The following LARP4B variants were observed in gnomAD, a reference collection of about 807,000 sequenced individuals.
LARP4B encodes the protein la-related protein 4B.
LARP4B carries 12 observed loss-of-function variants against 89.8 expected under a neutral mutation model. The ratio of observed to expected loss-of-function variants is 0.13; its 90% CI spans 0.09 to 0.22. LARP4B has a LOEUF of 0.22. Ranked by LOEUF, LARP4B falls within the 10% of genes least tolerant of loss-of-function variation. The pLI is 1.00. For synonymous variants in LARP4B, 367 were observed against 363.3 expected (o/e 1.01, Z -0.12); for missense variants, 757 against 947.7 (o/e 0.80, Z 2.64).
At chr10:883,007 T>C (rs1835730802) in intron 3 of LARP4B, among the ~76,000 whole-genome samples, 1 of 152,206 alleles carries the variant, frequency 6.6e-6, no homozygotes, top group Non-Finnish European at 1.5e-5. Flanking sequence ...CTATGAACAA[T>C]GCTAATTAGA....
intron 1 of LARP4B, among the ~76,000 whole-genome samples, chr10:917,907 T>C (rs1359902622): frequency 6.6e-6 from 1 of 152,182 alleles, no homozygotes; most frequent in Non-Finnish European, 1.5e-5. Flanking sequence ...ATTTATATCT[T>C]CAGTAAAAAT....
the LARP4B span, among the ~76,000 whole-genome samples, chr10:973,444 C>T: frequency 6.6e-5 from 10 of 152,122 alleles, no homozygotes; most frequent in East Asian, 3.9e-4. Context: ...CTCTGCCTCC[C>T]GGGGTCACAC....
the LARP4B span, chr10:987,090 C>T: frequency 3.9e-5 from 6 of 152,210 alleles, no homozygotes; most frequent in Admixed American, 3.9e-4. Flanking sequence ...ATACAAGAAC[C>T]TAAAAGAAAG....
chr10:818,184 AG>A (rs1328840718), intron 14 of LARP4B: 1 of 272,666 alleles, frequency 3.7e-6, no homozygotes, highest in African/African-American at 2.2e-5. Flanking sequence ...CACGAACAGC[AG>A]GGGCAGCTGA....
At chr10:871,840 G>C (rs1835215950) in intron 3 of LARP4B, among the ~76,000 whole-genome samples, 1 of 152,178 alleles carries the variant, frequency 6.6e-6, no homozygotes. Flanking sequence ...AATCATCGTT[G>C]TCTCTTAGTG....
intron 11 of LARP4B, among the ~76,000 whole-genome samples, chr10:828,065 G>C (rs1391373056): frequency 1.3e-5 from 2 of 152,134 alleles, no homozygotes; most frequent in African/African-American, 4.8e-5. Flanking sequence ...TCTAAATGGA[G>C]TATGGTTTCA....
the LARP4B span, among the ~76,000 whole-genome samples, chr10:952,123 G>A: frequency 6.6e-6 from 1 of 151,796 alleles, no homozygotes. Flanking sequence ...TGGATCACAA[G>A]GTCAGGAGAT....
chr10:943,853 A>G, the LARP4B span, among the ~76,000 whole-genome samples: 1 of 151,876 alleles, frequency 6.6e-6, no homozygotes, highest in East Asian at 1.9e-4. Flanking sequence ...GGTGGTGTCC[A>G]CGTAAGCTCC....
Position 822,538 on chromosome 10 carries a change from G to A in LARP4B, c.1485-1693C>T, listed in dbSNP as rs569245614. ...ACCCTCACTGGGCTCCACGTAACCC[G>A]TGTCAGACCCAGAAGCCCACCTGCA... On this transcript the variant is annotated intron_variant, in intron 13 of 17. Coordinates refer to ENST00000316157, the MANE Select transcript of LARP4B (RefSeq NM_015155.3). The surrounding 1 kb of genome is among the most constrained non-coding windows in gnomAD (Gnocchi z 4.6). Among the ~76,000 whole-genome samples the A allele has an allele frequency of 8.5e-5, 13 of 152,292 alleles. No homozygotes were observed. The highest frequency in any genetic ancestry group is 1.5e-4 in the Non-Finnish European group (10 of 68,014).
the LARP4B span, among the ~76,000 whole-genome samples, chr10:950,360 C>T: frequency 6.6e-6 from 1 of 152,144 alleles, no homozygotes; most frequent in Non-Finnish European, 1.5e-5. Flanking sequence ...AAGATTTTCT[C>T]TGTTTATTTT....
Position 822,724 on chromosome 10 carries a change from G to A in LARP4B, c.1485-1879C>T, listed in dbSNP as rs972141775. Among the ~76,000 whole-genome samples, 3 of 152,166 alleles carry A rather than the reference G, an allele frequency of 2.0e-5. No homozygotes were observed. The highest frequency in any genetic ancestry group is 2.9e-5 in the Non-Finnish European group (2 of 68,022). On this transcript the variant is annotated intron_variant, in intron 13 of 17. Coordinates refer to ENST00000316157, the MANE Select transcript of LARP4B (RefSeq NM_015155.3). This position sits in a 1 kb window ranked among gnomAD's most constrained non-coding sequence, Gnocchi z 4.6. ...GAGGAAACATCACTGTGACACCCGCGACTCTGAATGCAGTGGTGTGAAGGC... is the reference window on the plus strand; with the variant it reads ...GAGGAAACATCACTGTGACACCCGCAACTCTGAATGCAGTGGTGTGAAGGC...
intron 1 of LARP4B, among the ~76,000 whole-genome samples, chr10:895,022 C>G (rs1393166244): frequency 1.3e-5 from 2 of 152,088 alleles, no homozygotes; most frequent in African/African-American, 4.8e-5. Flanking sequence ...CCTGTCTCTA[C>G]TAAAATACAA....
chr10:930,786 C>T (rs1230083431), intron 1 of LARP4B, among the ~76,000 whole-genome samples: 1 of 152,202 alleles, frequency 6.6e-6, no homozygotes, highest in African/African-American at 2.4e-5. Context: ...ACACACCGAG[C>T]AACAGGATCC....
At chr10:944,334 C>T in the LARP4B span, among the ~76,000 whole-genome samples, 1 of 152,156 alleles carries the variant, frequency 6.6e-6, no homozygotes. Flanking sequence ...AGTTGGTTTT[C>T]ACCACAGGGA....
At chr10:853,076 G>T (rs1476247954) in intron 5 of LARP4B, among the ~76,000 whole-genome samples, 1 of 152,120 alleles carries the variant, frequency 6.6e-6, no homozygotes, top group African/African-American at 2.4e-5. Context: ...GCACTTTGTA[G>T]ATATTAACAA....
At chr10:867,060 A>G (rs1292669541) in intron 3 of LARP4B, among the ~76,000 whole-genome samples, 1 of 152,230 alleles carries the variant, frequency 6.6e-6, no homozygotes, top group African/African-American at 2.4e-5. Flanking sequence ...CTATTTGACA[A>G]CTTCTGCAAG....
chr10:820,841 T>C lies in LARP4B; in HGVS notation c.1489A>G (p.Asn497Asp). Residue 497 changes from asparagine (N) to aspartate (D), a missense_variant, in exon 14 of 18, where the codon AAT (asparagine) becomes GAT (aspartate). Asn to Asp is a conservative substitution (Grantham distance 23). Coordinates refer to ENST00000316157, the MANE Select transcript of LARP4B (RefSeq NM_015155.3). The part of the protein sequence containing the change: ...SSPGLGRGRK[N>D]SFGYRKKREE... ...CTTTTCTTCCGGTAGCCAAAGGAAT[T>C]CTTCCTAGAGGAGTGGAAAGTGAAA... The C allele has an allele frequency of 6.2e-7, 1 of 1,613,878 alleles. No homozygotes were observed. The highest frequency in any genetic ancestry group is 2.2e-5 in the East Asian group (1 of 44,878).
At chr10:891,634 A>C (rs768546441) in intron 1 of LARP4B, among the ~76,000 whole-genome samples, 9 of 152,168 alleles carry the variant, frequency 5.9e-5, no homozygotes, top group Non-Finnish European at 8.8e-5. Context: ...ACCTTTGTAC[A>C]TTTGAAATTT....
At chr10:938,953 C>T in the LARP4B span, among the ~76,000 whole-genome samples, 4 of 152,158 alleles carry the variant, frequency 2.6e-5, no homozygotes, top group South Asian at 8.3e-4. Flanking sequence ...AAATAATGGA[C>T]AAGTGGCGTG....
Sources: gnomAD v4.1 joint callset for allele counts (sites outside exome capture counted in the v4.1 genomes callset) on GRCh38, gnomAD v4.1.1 for gene constraint, Gnocchi (gnomAD v3.1) non-coding constraint, MANE v1.5 for transcripts, NCBI Gene and HGNC (gene_info 2026-07-23, HGNC 2026-07-21) for gene names.